The following ATP9A variants were observed in gnomAD, a reference collection of about 807,000 sequenced individuals.
ATP9A encodes the protein ATPase phospholipid transporting 9A.
Under a neutral mutation model 144.1 loss-of-function variants are expected in ATP9A, and 52 were observed. The ratio of observed to expected loss-of-function variants is 0.36; its 90% CI spans 0.29 to 0.45. ATP9A has a LOEUF of 0.45. Among genes scored for constraint, ATP9A ranks in the 20% least tolerant of loss-of-function variants. The pLI is 1.00. For synonymous variants in ATP9A, 582 were observed against 557.4 expected (o/e 1.04, Z -0.62); for missense variants, 947 against 1,392.7 (o/e 0.68, Z 5.09).
At chr20:51,755,261 C>A (rs1301827916) in intron 1 of ATP9A, among the ~76,000 whole-genome samples, 1 of 151,930 alleles carries the variant, frequency 6.6e-6, no homozygotes, top group Non-Finnish European at 1.5e-5. Flanking sequence ...CATGGTAAAA[C>A]CCCGTCTCCA....
At chr20:51,670,901 GT>G (rs1442176763) in intron 12 of ATP9A, among the ~76,000 whole-genome samples, 1 of 152,186 alleles carries the variant, frequency 6.6e-6, no homozygotes, top group East Asian at 1.9e-4. Context: ...GACTGAAGGA[GT>G]GACCGCACTG....
chr20:51,631,466 G>T (rs2077269535), intron 15 of ATP9A, among the ~76,000 whole-genome samples: 2 of 152,128 alleles, frequency 1.3e-5, no homozygotes, highest in Non-Finnish European at 2.9e-5. Flanking sequence ...GATGCTCCCA[G>T]CCCAGCTTCC....
rs976254799 is a variant in ATP9A at position 51,596,723 on chromosome 20, C to G, written c.*4488G>C. Reference sequence around the variant, plus strand: ...TAGGAGCGTTATAATAAAAAGTCCTCATTTTGATACCAGAATTCATGTTTC... The same window carrying G: ...TAGGAGCGTTATAATAAAAAGTCCTGATTTTGATACCAGAATTCATGTTTC... On this transcript the variant is annotated 3_prime_UTR_variant, in exon 28 of 28. Coordinates refer to ENST00000338821, the MANE Select transcript of ATP9A (RefSeq NM_006045.3). 3 of 152,138 alleles carry G rather than the reference C, an allele frequency of 2.0e-5. No homozygotes were observed. The highest frequency in any genetic ancestry group is 7.2e-5 in the African/African-American group (3 of 41,416). 9.4% of individuals were successfully genotyped at this position (152,138 alleles called of 1,614,324 possible).
Position 51,712,861 on chromosome 20 carries a change from G to A in ATP9A, c.436+105C>T, listed in dbSNP as rs1004067827. The A allele has an allele frequency of 3.3e-5, 32 of 976,282 alleles. 1 individual carries two copies. The highest frequency in any genetic ancestry group is 2.1e-4 in the Middle Eastern group (1 of 4,844). The allele number at this position is 976,282 out of a possible 1,614,324, so 60.5% of individuals were successfully genotyped here. On this transcript the variant is annotated intron_variant, in intron 4 of 27. Transcript: ENST00000338821. Reference sequence around the variant, plus strand: ...AGTAACCAAGCGACTGTTCCGCCACGTGGCATTCCCACACCTGCGGCCCGG... The same window carrying A: ...AGTAACCAAGCGACTGTTCCGCCACATGGCATTCCCACACCTGCGGCCCGG...
At chr20:51,610,054 T>C (rs1568783586) in intron 24 of ATP9A, 47 bp downstream of exon 24, 1 of 1,498,670 alleles carries the variant, frequency 6.7e-7, no homozygotes, top group Non-Finnish European at 9.3e-7. Flanking sequence ...TTGCAGCATT[T>C]GAAGAAGGTT....
chr20:51,639,249 G>A, intron 15 of ATP9A, 94 bp downstream of exon 15: 2 of 1,338,546 alleles, frequency 1.5e-6, no homozygotes, highest in South Asian at 1.4e-5. Context: ...AGATACCACA[G>A]TAAAGAGGGT....
At chr20:51,693,403 A>G (rs965569251) in intron 7 of ATP9A, among the ~76,000 whole-genome samples, 4 of 152,226 alleles carry the variant, frequency 2.6e-5, no homozygotes, top group Non-Finnish European at 4.4e-5. Context: ...AGAGAGGGCC[A>G]GGCACTGAGG....
chr20:51,622,126 G>A lies in ATP9A; in HGVS notation c.2063C>T (p.Ala688Val), dbSNP rs201699026. The A allele has an allele frequency of 6.2e-7, 1 of 1,614,094 alleles. No individual in the cohort carries two copies. The highest frequency in any genetic ancestry group is 8.5e-7 in the Non-Finnish European group (1 of 1,179,998). The change falls in exon 19 of 28, where the codon GCG becomes GTG. Residue 688 changes from alanine to valine, a missense_variant. By Grantham distance (64) the Ala-to-Val change is moderately conservative (BLOSUM62 0). This residue lies in a region of ATP9A where 770 missense variants were observed against 1,047.9 expected (regional missense o/e 0.73). Coordinates refer to ENST00000338821, the MANE Select transcript of ATP9A (RefSeq NM_006045.3). ...GDKLETATCT[A>V]KNAHLVTRNQ... Reference sequence around the variant, plus strand: ...TCTGGTCACCAGATGTGCATTCTTCGCTGTGCACGTAGCTGTCTCCAGCTT... The same window carrying A: ...TCTGGTCACCAGATGTGCATTCTTCACTGTGCACGTAGCTGTCTCCAGCTT...
chr20:51,727,704 G>T (rs2077721124), intron 2 of ATP9A, among the ~76,000 whole-genome samples: 1 of 152,138 alleles, frequency 6.6e-6, no homozygotes, highest in Non-Finnish European at 1.5e-5. Context: ...AGCCGAGGCG[G>T]ATGAATCACG....
intron 15 of ATP9A, among the ~76,000 whole-genome samples, chr20:51,637,527 C>T (rs541364439): frequency 2.6e-5 from 4 of 152,008 alleles, no homozygotes; most frequent in East Asian, 1.9e-4. Flanking sequence ...ATGAATGCTA[C>T]GGAAGAAGAA....
At chr20:51,674,407 T>C in intron 10 of ATP9A, 94 bp from the exon 11 acceptor site, 1 of 1,320,092 alleles carries the variant, frequency 7.6e-7, no homozygotes, top group Non-Finnish European at 1.1e-6. Context: ...GAGCTGAGCC[T>C]CACTGCACTA....
At chr20:51,678,681 G>A (rs1318529393) in intron 9 of ATP9A, among the ~76,000 whole-genome samples, 2 of 152,172 alleles carry the variant, frequency 1.3e-5, no homozygotes, top group African/African-American at 2.4e-5. Flanking sequence ...ATGACCACAC[G>A]ACCGCTGCAT....
intron 9 of ATP9A, among the ~76,000 whole-genome samples, chr20:51,682,732 C>T (rs2122804188): frequency 6.7e-6 from 1 of 149,696 alleles, no homozygotes; most frequent in Non-Finnish European, 1.5e-5. Flanking sequence ...ACTGAGATTA[C>T]AGGCACGCAC....
At chr20:51,607,633 C>T (rs755232436) in intron 25 of ATP9A, 49 bp from the exon 26 acceptor site, 20 of 1,424,804 alleles carry the variant, frequency 1.4e-5, no homozygotes, top group Middle Eastern at 3.5e-4. Flanking sequence ...GGGGGGCTCA[C>T]GCAGCATGCC....
chr20:51,678,281 G>A lies in ATP9A; in HGVS notation c.800-2073C>T, dbSNP rs189768395. On this transcript the variant is annotated intron_variant, in intron 9 of 27. Coordinates refer to ENST00000338821, the MANE Select transcript of ATP9A (RefSeq NM_006045.3). ...CAAGCAATTTGGTCTCTGCCAGAAA[G>A]AGAAAACACCTCTTTCTCTGTGCTC... 4.2e-3 allele frequency among the ~76,000 whole-genome samples: 632 copies of A among 152,196 alleles called. 3 individuals are homozygous for A. The highest frequency in any genetic ancestry group is 0.014 in the African/African-American group (585 of 41,528).
intron 3 of ATP9A, among the ~76,000 whole-genome samples, chr20:51,716,939 C>A (rs572777028): frequency 3.9e-5 from 6 of 152,028 alleles, no homozygotes; most frequent in Admixed American, 6.6e-5. Flanking sequence ...TTCGGGAGGC[C>A]GAGGTGGGCG....
chr20:51,768,206 G>C, intron 1 of ATP9A, 96 bp downstream of exon 1: 1 of 763,260 alleles, frequency 1.3e-6, no homozygotes, highest in Non-Finnish European at 1.7e-6. Context: ...CGCCGGGCGC[G>C]GCGCGCGGCC....
At chr20:51,613,652 G>A (rs929440102) in intron 23 of ATP9A, 25 bp downstream of exon 23, 1 of 1,604,486 alleles carries the variant, frequency 6.2e-7, no homozygotes, top group African/African-American at 1.3e-5. Flanking sequence ...AGGCACATGT[G>A]CAGAGGGGCC....
At chr20:51,659,517 T>C (rs190389378) in intron 13 of ATP9A, among the ~76,000 whole-genome samples, 17 of 152,344 alleles carry the variant, frequency 1.1e-4, no homozygotes, top group African/African-American at 3.6e-4. Flanking sequence ...AGTTTCAGAT[T>C]TTAAATCACA....
Sources: gnomAD v4.1 joint callset for allele counts (sites outside exome capture counted in the v4.1 genomes callset) on GRCh38, gnomAD v4.1.1 for gene constraint, gnomAD v4.1.1 regional missense constraint, MANE v1.5 for transcripts, NCBI Gene and HGNC (gene_info 2026-07-23, HGNC 2026-07-21) for gene names.